ESF1: variants seen among roughly 807,000 people sequenced by gnomAD.
ESF1 encodes ESF1 nucleolar pre-rRNA processing protein, also known as ESF1 homolog.
ESF1 carries 58 observed loss-of-function variants against 92.0 expected under a neutral mutation model. The ratio of observed to expected loss-of-function variants is 0.63; its 90% CI spans 0.51 to 0.78. The LOEUF (loss-of-function observed/expected upper bound fraction) is 0.78, where lower values mean the gene tolerates loss of function less well. ESF1 is among the 30% of genes least tolerant of loss of function. The pLI, the probability that ESF1 is intolerant of heterozygous loss-of-function variation, is 0.00. For synonymous variants in ESF1, 321 were observed against 313.7 expected (o/e 1.02, Z -0.24); for missense variants, 922 against 989.1 (o/e 0.93, Z 0.91).
chr20:13,756,374 T>A (rs868410052), intron 9 of ESF1, among the ~76,000 whole-genome samples: 2 of 152,164 alleles, frequency 1.3e-5, no homozygotes, highest in Admixed American at 6.5e-5. Flanking sequence ...AAATATCAAT[T>A]TTCCCCTATT....
At chr20:13,777,240 G>C (rs1979984401) in intron 2 of ESF1, among the ~76,000 whole-genome samples, 1 of 152,224 alleles carries the variant, frequency 6.6e-6, no homozygotes, top group South Asian at 2.1e-4. Context: ...GAGTCAGTCA[G>C]GAAGTGAAAC....
chr20:13,719,581 G>GAA (rs77922384), intron 11 of ESF1, among the ~76,000 whole-genome samples: 7 of 151,628 alleles, frequency 4.6e-5, no homozygotes, highest in East Asian at 1.9e-4. Context: ...TTTCATTCTG[G>GAA]AAAAAAAGAT....
In ESF1 at chr20:13,776,117, C is replaced by G; in HGVS notation, c.791G>C (p.Arg264Thr). The G allele has an allele frequency of 1.2e-6, 2 of 1,613,956 alleles. No individual in the cohort carries two copies. Among genetic ancestry groups the G allele is most frequent in the Non-Finnish European group, 1.7e-6 (2 of 1,179,904 alleles). ...ACTTCCATCGTCATCACCTGAAGCTCTACCAACACTTGTAATTTCATTTTC... is the reference window on the plus strand; with the variant it reads ...ACTTCCATCGTCATCACCTGAAGCTGTACCAACACTTGTAATTTCATTTTC... ...ESENEITSVG[R>T]ASGDDDGSED... Residue 264 changes from arginine to threonine, a missense_variant, in exon 3 of 14, where the codon AGA (arginine) becomes ACA (threonine). By Grantham distance (71) the Arg-to-Thr change is moderately conservative. Transcript: ENST00000617257.
At chr20:13,731,286 C>T (rs2049940737) in intron 10 of ESF1, among the ~76,000 whole-genome samples, 1 of 152,110 alleles carries the variant, frequency 6.6e-6, no homozygotes, top group South Asian at 2.1e-4. Flanking sequence ...ATTTTACTCA[C>T]TTTGGGAGGC....
At chr20:13,748,499 TATATACAC>T (rs1442076930) in intron 9 of ESF1, among the ~76,000 whole-genome samples, 6 of 141,658 alleles carry the variant, frequency 4.2e-5, no homozygotes, top group African/African-American at 1.3e-4. Context: ...TATATATACA[TATATACAC>T]ATATATATAC....
intron 9 of ESF1, among the ~76,000 whole-genome samples, chr20:13,741,583 A>G (rs1430406718): frequency 6.6e-6 from 1 of 152,224 alleles, no homozygotes; most frequent in East Asian, 1.9e-4. Flanking sequence ...AACAAGATAA[A>G]AAAGATTTTC....
chr20:13,730,703 ATTTT>A (rs750007187), intron 10 of ESF1, among the ~76,000 whole-genome samples: 1 of 143,552 alleles, frequency 7.0e-6, no homozygotes, highest in African/African-American at 2.6e-5. Flanking sequence ...GCTTCTAAGA[ATTTT>A]TTTTTTTTTT....
chr20:13,751,868 G>A (rs1007454713), intron 9 of ESF1, among the ~76,000 whole-genome samples: 3 of 152,004 alleles, frequency 2.0e-5, no homozygotes, highest in East Asian at 1.9e-4. Flanking sequence ...AGTGGCCCAC[G>A]CCTGTAGTCC....
At position 13,783,728 on chromosome 20, in the gene ESF1, TCACTTCCAC is replaced by T. The variant is rs1437309868; in HGVS notation, c.-43-554_-43-546del. 3.3e-5 allele frequency among the ~76,000 whole-genome samples: 5 copies of T among 152,078 alleles called. No individual in the cohort carries two copies. In the East Asian group the frequency reaches 9.6e-4, roughly 29 times the overall value. ...TACTTTGGAGGCTAAGGCAAGAGGA[TCACTTCCAC>T]CCGGGAGGTCTTGGCTAGAGTGAGC... On this transcript the variant is annotated intron_variant, in intron 1 of 13. Transcript: ENST00000617257.
rs190480380 is a variant in ESF1 at position 13,759,689 on chromosome 20, T to C, written c.1828+3A>G. ...GAGAAAACATTTAGTATCTAATTCT[T>C]ACCTGGAACCCATTTAATTTCCATT... On this transcript the variant is annotated splice_donor_region_variant and intron_variant, in intron 9 of 13. Transcript: ENST00000617257. 214 of 1,575,102 alleles carry C rather than the reference T, an allele frequency of 1.4e-4. 1 individual carries two copies. In the East Asian group the frequency reaches 4.7e-3, roughly 34 times the overall value.
chr20:13,717,588 G>A, intron 12 of ESF1, 74 bp from the exon 13 acceptor site: 2 of 1,520,054 alleles, frequency 1.3e-6, no homozygotes, highest in Non-Finnish European at 1.8e-6. Context: ...GTATAGGGCA[G>A]AAGATATCTC....
In ESF1 at chr20:13,746,878, G is replaced by C. The variant is rs117891560; in HGVS notation, c.1828+12814C>G. The stretch of plus-strand genomic sequence containing the variant: ...AAATATTTTCTTCCATATTTATTAG[G>C]GTGAGTTTATATAAGTTAACCATAA... On this transcript the variant is annotated intron_variant, in intron 9 of 13. Coordinates refer to ENST00000617257, the MANE Select transcript of ESF1 (RefSeq NM_001276380.2). Among the ~76,000 whole-genome samples the C allele has an allele frequency of 1.1e-3, 173 of 152,034 alleles. 1 individual carries two copies. In the East Asian group the frequency reaches 0.03, roughly 27 times the overall value.
At chr20:13,765,068 C>G (rs531316509) in intron 8 of ESF1, among the ~76,000 whole-genome samples, 1 of 152,106 alleles carries the variant, frequency 6.6e-6, no homozygotes, top group South Asian at 2.1e-4. Flanking sequence ...ACTAAAAACA[C>G]AAAAATTACC....
chr20:13,715,922 T>C (rs2049821784), intron 13 of ESF1, among the ~76,000 whole-genome samples: 2 of 152,178 alleles, frequency 1.3e-5, no homozygotes, highest in African/African-American at 4.8e-5. Context: ...AAAAAAATCC[T>C]GTAAAAAATA....
Position 13,782,506 on chromosome 20 carries a change from G to A in ESF1, c.635C>T (p.Ser212Leu). 6.7e-7 allele frequency: 1 copy of A among 1,502,296 alleles called. No individual in the cohort carries two copies. The highest frequency in any genetic ancestry group is 8.8e-7 in the Non-Finnish European group (1 of 1,133,120). The allele number at this position is 1,502,296 out of a possible 1,614,324, so 93.1% of individuals were successfully genotyped here. A position where few individuals can be genotyped will look rare whatever the true frequency, so the allele number is the denominator to read the frequency against. ...ECSKTRREMQ[S>L]VVQLIMTRDS... Reference sequence around the variant, plus strand: ...ATCTCTAATTTTTTCCAACCTACCTGATTGCATTTCTCTTCTTGTCTTAGA... The same window carrying A: ...ATCTCTAATTTTTTCCAACCTACCTAATTGCATTTCTCTTCTTGTCTTAGA... The change falls in exon 2 of 14, where the codon TCA becomes TTA. Residue 212 changes from serine (S) to leucine (L), a missense_variant and splice_region_variant. Physicochemically the swap from Ser to Leu is moderately radical, Grantham distance 145 (BLOSUM62 -2). Transcript: ENST00000617257.
chr20:13,774,573 T>C (rs1338510054), intron 4 of ESF1, among the ~76,000 whole-genome samples: 2 of 152,186 alleles, frequency 1.3e-5, no homozygotes, highest in Non-Finnish European at 2.9e-5. Context: ...TTTGGATATA[T>C]TGGAAAGATG....
intron 4 of ESF1, 77 bp from the exon 5 acceptor site, chr20:13,772,692 C>A (rs557627462): frequency 2.0e-6 from 2 of 1,018,526 alleles, no homozygotes; most frequent in African/African-American, 3.2e-5. Context: ...AAGTCAGGAA[C>A]TCTAAAAGTC....
At chr20:13,739,502 G>GT (rs1256018578) in intron 9 of ESF1, among the ~76,000 whole-genome samples, 1 of 152,088 alleles carries the variant, frequency 6.6e-6, no homozygotes, top group Non-Finnish European at 1.5e-5. Flanking sequence ...TAATCACAAT[G>GT]TACACAATAT....
intron 10 of ESF1, among the ~76,000 whole-genome samples, 184 bp from the exon 11 acceptor site, chr20:13,728,649 G>A (rs546693074): frequency 2.6e-5 from 4 of 152,204 alleles, no homozygotes; most frequent in African/African-American, 7.2e-5. Context: ...GGTGGATCAC[G>A]AGGTCAGGAG....
Sources: gnomAD v4.1 joint callset for allele counts (sites outside exome capture counted in the v4.1 genomes callset) on GRCh38, gnomAD v4.1.1 for gene constraint, MANE v1.5 for transcripts, NCBI Gene and HGNC (gene_info 2026-07-23, HGNC 2026-07-21) for gene names.